The following ZNF362 variants were observed in gnomAD, a reference collection of about 807,000 sequenced individuals.
The protein encoded by ZNF362 is rotund homolog.
ZNF362 carries 11 observed loss-of-function variants against 42.9 expected under a neutral mutation model. The observed-to-expected ratio is 0.26, with a 90% CI of 0.16 to 0.42. The LOEUF is 0.42. ZNF362 is among the 20% of genes least tolerant of loss of function. The probability of loss-of-function intolerance (pLI) is 1.00; values close to 1 mark genes in which losing one functional copy is unlikely to be tolerated. For synonymous variants in ZNF362, 255 were observed against 257.3 expected, an observed-to-expected ratio of 0.99 and a Z score of 0.09; for missense variants, 362 against 576.2, an observed-to-expected ratio of 0.63 and a Z score of 3.81.
the ZNF362 span, among the ~76,000 whole-genome samples, chr1:33,157,591 G>A: frequency 6.6e-6 from 1 of 152,084 alleles, no homozygotes; most frequent in Non-Finnish European, 1.5e-5. Context: ...TGAGGGCAGG[G>A]ATTTTTGCCT....
At chr1:33,229,286 C>T in the ZNF362 span, among the ~76,000 whole-genome samples, 2 of 152,110 alleles carry the variant, frequency 1.3e-5, no homozygotes, top group African/African-American at 4.8e-5. Flanking sequence ...AACCCTGGCT[C>T]CTGGAACAGT....
chr1:33,299,607 CTCG>C lies in ZNF362; in HGVS notation c.*562_*564del, dbSNP rs1362218934. On this transcript the variant is annotated 3_prime_UTR_variant, in exon 9 of 9. Transcript: ENST00000539719. Reference sequence around the variant, plus strand: ...GAGCCCTTCGCCCCTGAGTGCCTGGCTCGCACCTCTCGAGCTGTGCCCTGGGCA... The same window carrying C: ...GAGCCCTTCGCCCCTGAGTGCCTGGCCACCTCTCGAGCTGTGCCCTGGGCA... 1 of 154,250 alleles carries C rather than the reference CTCG, an allele frequency of 6.5e-6. No homozygotes were observed. 9.6% of individuals were successfully genotyped at this position (154,250 alleles called of 1,614,324 possible).
At chr1:33,296,234 A>G (rs1033808288) in intron 8 of ZNF362, among the ~76,000 whole-genome samples, 1 of 152,170 alleles carries the variant, frequency 6.6e-6, no homozygotes, top group Non-Finnish European at 1.5e-5. Context: ...CAGGGCTCTG[A>G]GCAGCATTCC....
rs1023200489 is a variant in ZNF362 at position 33,294,809 on chromosome 1, C to G, written c.909-128C>G. On this transcript the variant is annotated intron_variant, in intron 6 of 8. Coordinates refer to ENST00000539719, the MANE Select transcript of ZNF362 (RefSeq NM_152493.3). The surrounding 1 kb of genome is among the most constrained non-coding windows in gnomAD (Gnocchi z 4.2). ...TCCCCAGCTCTTGCCTGGGCTCACT[C>G]TTGGTCCTTGGGGAGCATGGGCAGG... 8.0e-6 allele frequency: 8 copies of G among 1,000,474 alleles called. No homozygotes were observed. Among genetic ancestry groups the G allele is most frequent in the Non-Finnish European group, 1.1e-5 (7 of 657,868 alleles). 62.0% of individuals were successfully genotyped at this position (1,000,474 alleles called of 1,614,324 possible). A position where few individuals can be genotyped will look rare whatever the true frequency, so the allele number is the denominator to read the frequency against.
chr1:33,221,208 C>T, the ZNF362 span, among the ~76,000 whole-genome samples: 2 of 152,162 alleles, frequency 1.3e-5, no homozygotes, highest in African/African-American at 2.4e-5. Flanking sequence ...TCAATCCCTC[C>T]GGAATGTAAG....
At chr1:33,279,876 ACTT>A (rs1489800594) in intron 4 of ZNF362, among the ~76,000 whole-genome samples, 3 of 152,080 alleles carry the variant, frequency 2.0e-5, no homozygotes, top group Non-Finnish European at 2.9e-5. Flanking sequence ...ACGGCAGTGA[ACTT>A]CTTTGTGCCT....
the ZNF362 span, among the ~76,000 whole-genome samples, chr1:33,136,494 G>A: frequency 3.3e-5 from 5 of 151,520 alleles, no homozygotes; most frequent in Admixed American, 2.0e-4. Context: ...TCAGCCTACC[G>A]AGTAGCTGGG....
the ZNF362 span, among the ~76,000 whole-genome samples, chr1:33,214,914 T>C: frequency 1.3e-5 from 2 of 152,158 alleles, no homozygotes; most frequent in South Asian, 4.1e-4. Context: ...ATTAGTATAG[T>C]CACTATGGAG....
At position 33,280,160 on chromosome 1, in the gene ZNF362, C is replaced by T. The variant is rs774194863; in HGVS notation, c.386C>T (p.Thr129Ile). Reference sequence around the variant, plus strand: ...TCCACCCGGACCCCGTCTGTGAGCACTTCTGAGTCAAGCGCGGGCGCGGGC... The same window carrying T: ...TCCACCCGGACCCCGTCTGTGAGCATTTCTGAGTCAAGCGCGGGCGCGGGC... ...GLSTRTPSVS[T>I]SESSAGAGTG... Residue 129 changes from threonine (T) to isoleucine (I), a missense_variant, in exon 5 of 9, where the codon ACT becomes ATT. Thr to Ile is a moderately conservative substitution (Grantham distance 89, BLOSUM62 -1). Transcript: ENST00000539719. The surrounding 1 kb of genome is among the most constrained non-coding windows in gnomAD (Gnocchi z 5.6). The T allele has an allele frequency of 6.2e-7, 1 of 1,606,994 alleles. No homozygotes were observed.
chr1:33,225,615 A>G, the ZNF362 span, among the ~76,000 whole-genome samples: 1 of 152,166 alleles, frequency 6.6e-6, no homozygotes, highest in Admixed American at 6.5e-5. Context: ...GATGGGGTAG[A>G]TAGACAGACA....
chr1:33,148,722 G>A, the ZNF362 span, among the ~76,000 whole-genome samples: 1 of 152,162 alleles, frequency 6.6e-6, no homozygotes, highest in Non-Finnish European at 1.5e-5. Flanking sequence ...GGTTACACTT[G>A]AAATTATAAA....
chr1:33,236,384 GA>G, the ZNF362 span, among the ~76,000 whole-genome samples: 1 of 148,640 alleles, frequency 6.7e-6, no homozygotes. Flanking sequence ...TACAAAAAAT[GA>G]AAAAAAATTA....
At chr1:33,249,328 A>G in the ZNF362 span, among the ~76,000 whole-genome samples, 1 of 152,206 alleles carries the variant, frequency 6.6e-6, no homozygotes. Flanking sequence ...CCAAGGGGGA[A>G]AACAGTTCTA....
the ZNF362 span, among the ~76,000 whole-genome samples, chr1:33,149,758 A>G: frequency 6.6e-6 from 1 of 152,080 alleles, no homozygotes; most frequent in Non-Finnish European, 1.5e-5. Context: ...CCTGGCCTGA[A>G]ATTCTTTAGC....
chr1:33,130,020 T>A, the ZNF362 span, among the ~76,000 whole-genome samples: 1 of 152,126 alleles, frequency 6.6e-6, no homozygotes, highest in East Asian at 1.9e-4. Flanking sequence ...CCACCATGCC[T>A]GGCTAATTTT....
At chr1:33,145,414 CTTTAA>C in the ZNF362 span, 2 of 162,230 alleles carry the variant, frequency 1.2e-5, no homozygotes, top group African/African-American at 2.4e-5. Flanking sequence ...ACATCTGTAA[CTTTAA>C]TTTAATACAA....
At chr1:33,222,897 G>T in the ZNF362 span, among the ~76,000 whole-genome samples, 3 of 152,150 alleles carry the variant, frequency 2.0e-5, no homozygotes, top group Non-Finnish European at 4.4e-5. Flanking sequence ...ATGGGGGCAG[G>T]TCTTTTCTGT....
chr1:33,277,862 G>A (rs1361923668), intron 4 of ZNF362, among the ~76,000 whole-genome samples: 3 of 152,124 alleles, frequency 2.0e-5, no homozygotes, highest in African/African-American at 7.2e-5. Flanking sequence ...TGGAGCCACC[G>A]GAGGCCTCCT....
At chr1:33,292,201 G>T (rs1646083467) in intron 6 of ZNF362, among the ~76,000 whole-genome samples, 1 of 152,092 alleles carries the variant, frequency 6.6e-6, no homozygotes, top group Non-Finnish European at 1.5e-5. Context: ...ATTGGCTGTG[G>T]GTTTGTCATA....
Sources: allele counts gnomAD v4.1 joint callset (sites outside exome capture counted in the v4.1 genomes callset), GRCh38; gene constraint gnomAD v4.1.1; non-coding constraint Gnocchi (gnomAD v3.1); transcripts MANE v1.5; gene names NCBI Gene and HGNC (gene_info 2026-07-23, HGNC 2026-07-21).